UMAD1: variants seen among roughly 807,000 people sequenced by gnomAD.
UMAD1 encodes the protein UBAP1-MVB12-associated (UMA)-domain containing protein 1.
UMAD1 carries 8 observed loss-of-function variants against 6.1 expected under a neutral mutation model. That is an observed-to-expected ratio of 1.30 (90% CI 0.76 to 2.35). UMAD1 has a LOEUF of 2.35. Among genes scored for constraint, UMAD1 ranks in the 30% most tolerant of loss-of-function variants. The pLI, the probability that UMAD1 is intolerant of heterozygous loss-of-function variation, is 0.00. For synonymous variants in UMAD1, 56 were observed against 31.4 expected (o/e 1.78, Z -2.61); for missense variants, 130 against 78.4 (o/e 1.66, Z -2.49).
intron 2 of UMAD1, among the ~76,000 whole-genome samples, chr7:7,767,043 C>CA (rs1402056916): frequency 6.7e-6 from 1 of 149,938 alleles, no homozygotes; most frequent in Admixed American, 6.6e-5. Context: ...TCCTTTCACC[C>CA]AAAAAAAAGA....
At chr7:7,762,830 G>A (rs180889095) in intron 2 of UMAD1, among the ~76,000 whole-genome samples, 3 of 152,046 alleles carry the variant, frequency 2.0e-5, no homozygotes, top group East Asian at 3.9e-4. Context: ...TTCGTCGAAG[G>A]CTTCATGAGT....
intron 2 of UMAD1, among the ~76,000 whole-genome samples, chr7:7,721,169 A>C (rs35823742): frequency 0.09 from 13,640 of 152,232 alleles, 709 homozygotes; most frequent in African/African-American, 0.14. Context: ...CCTACTGACA[A>C]CTTGATTGAC....
chr7:7,705,487 T>C (rs1780575501), intron 2 of UMAD1, among the ~76,000 whole-genome samples: 2 of 152,232 alleles, frequency 1.3e-5, no homozygotes. Flanking sequence ...CCAGTGTTTA[T>C]ATTCAGTGTG....
At chr7:7,780,779 T>C (rs547348555) in intron 2 of UMAD1, among the ~76,000 whole-genome samples, 1 of 152,222 alleles carries the variant, frequency 6.6e-6, no homozygotes, top group Non-Finnish European at 1.5e-5. Flanking sequence ...GATTCATCCA[T>C]ATTGTTCCAT....
At chr7:7,655,736 A>T (rs1785325024) in intron 1 of UMAD1, among the ~76,000 whole-genome samples, 1 of 152,228 alleles carries the variant, frequency 6.6e-6, no homozygotes, top group Non-Finnish European at 1.5e-5. Context: ...AGGAGTGTTA[A>T]ATTAGAGGAC....
intron 3 of UMAD1, among the ~76,000 whole-genome samples, chr7:7,835,462 CTTTTTTTTTTTTTTTTTTTT>C (rs150411259): frequency 2.6e-3 from 89 of 33,682 alleles, no homozygotes; most frequent in Middle Eastern, 0.024. Flanking sequence ...TGAAACAGCA[CTTTTTTTTTTTTTTTTTTTT>C]TTTTTTTTTT....
intron 2 of UMAD1, among the ~76,000 whole-genome samples, chr7:7,744,483 C>T (rs541705634): frequency 3.9e-5 from 6 of 152,048 alleles, no homozygotes; most frequent in Admixed American, 1.3e-4. Flanking sequence ...TTTAACCATT[C>T]GAGGAATTGC....
chr7:7,821,488 A>G (rs1783240536), intron 3 of UMAD1, among the ~76,000 whole-genome samples: 1 of 152,220 alleles, frequency 6.6e-6, no homozygotes, highest in Non-Finnish European at 1.5e-5. Flanking sequence ...TCACTGATTT[A>G]TTGGACAATG....
chr7:7,829,878 A>G (rs1325541432), intron 3 of UMAD1, among the ~76,000 whole-genome samples: 1 of 152,110 alleles, frequency 6.6e-6, no homozygotes, highest in Non-Finnish European at 1.5e-5. Flanking sequence ...CTTTCCTCAC[A>G]TTTAATTATA....
chr7:7,753,853 G>A (rs1468748865), intron 2 of UMAD1, among the ~76,000 whole-genome samples: 3 of 152,032 alleles, frequency 2.0e-5, no homozygotes, highest in Non-Finnish European at 4.4e-5. Context: ...ACCTCCAAAC[G>A]GTTCTCCATA....
intron 3 of UMAD1, among the ~76,000 whole-genome samples, chr7:7,875,358 A>G (rs1784397398): frequency 6.6e-6 from 1 of 152,242 alleles, no homozygotes; most frequent in African/African-American, 2.4e-5. Flanking sequence ...AGCGAAGGAG[A>G]TAGAGACATG....
At chr7:7,868,881 G>T (rs1431768349) in intron 3 of UMAD1, among the ~76,000 whole-genome samples, 1 of 152,118 alleles carries the variant, frequency 6.6e-6, no homozygotes, top group East Asian at 1.9e-4. Flanking sequence ...AGTGCCTAGA[G>T]TATCTGAAAA....
At chr7:7,845,668 G>C (rs965201480) in intron 3 of UMAD1, among the ~76,000 whole-genome samples, 1 of 152,072 alleles carries the variant, frequency 6.6e-6, no homozygotes, top group African/African-American at 2.4e-5. Flanking sequence ...TGAAATATCA[G>C]TTATTAGCTA....
At chr7:7,854,034 A>C (rs1377892819) in intron 3 of UMAD1, among the ~76,000 whole-genome samples, 1 of 152,096 alleles carries the variant, frequency 6.6e-6, no homozygotes. Context: ...TGCCATAAGG[A>C]AATACCTGAG....
intron 1 of UMAD1, among the ~76,000 whole-genome samples, chr7:7,653,953 T>C (rs1440477975): frequency 6.6e-6 from 1 of 152,100 alleles, no homozygotes; most frequent in Non-Finnish European, 1.5e-5. Flanking sequence ...AGTGGAGAGA[T>C]TGAGAAACCT....
intron 3 of UMAD1, among the ~76,000 whole-genome samples, chr7:7,869,879 C>A (rs1320391442): frequency 1.3e-5 from 2 of 152,122 alleles, no homozygotes; most frequent in Non-Finnish European, 2.9e-5. Flanking sequence ...CCTTCTGTTG[C>A]TCTGGGGAAG....
At chr7:7,699,380 C>T (rs1019767999) in intron 2 of UMAD1, among the ~76,000 whole-genome samples, 2 of 151,986 alleles carry the variant, frequency 1.3e-5, no homozygotes, top group African/African-American at 2.4e-5. Context: ...ATTTAATATC[C>T]TTAGTTCCTT....
intron 3 of UMAD1, among the ~76,000 whole-genome samples, chr7:7,803,507 T>C (rs1782843549): frequency 6.6e-6 from 1 of 152,228 alleles, no homozygotes; most frequent in Non-Finnish European, 1.5e-5. Flanking sequence ...ATTTGGGAGA[T>C]AACCACCAGG....
intron 2 of UMAD1, among the ~76,000 whole-genome samples, chr7:7,697,089 G>A (rs1780339027): frequency 6.6e-6 from 1 of 152,104 alleles, no homozygotes; most frequent in Non-Finnish European, 1.5e-5. Flanking sequence ...ATGATTTTCA[G>A]TCAGGATAAG....
Sources: allele counts gnomAD v4.1 joint callset (sites outside exome capture counted in the v4.1 genomes callset), GRCh38; gene constraint gnomAD v4.1.1; transcripts MANE v1.5; gene names NCBI Gene and HGNC (gene_info 2026-07-23, HGNC 2026-07-21).